MAP3K1: variants seen among roughly 807,000 people sequenced by gnomAD.
The protein encoded by MAP3K1 is mitogen-activated protein kinase kinase kinase 1, also known as MAP/ERK kinase kinase 1.
A neutral mutation model predicts 144.2 loss-of-function variants in MAP3K1; 36 were observed. The ratio of observed to expected loss-of-function variants is 0.25; its 90% confidence interval spans 0.19 to 0.33. The LOEUF (loss-of-function observed/expected upper bound fraction) is 0.33, where lower values mean the gene tolerates loss of function less well. Among genes scored for constraint, MAP3K1 ranks in the 10% least tolerant of loss-of-function variants. The pLI is 1.00. For synonymous variants in MAP3K1, 718 were observed against 688.7 expected (o/e 1.04, Z -0.67); for missense variants, 1,650 against 1,881.9 (o/e 0.88, Z 2.28).
chr5:56,874,823 A>ATTTTAC (rs1747971880), intron 9 of MAP3K1, among the ~76,000 whole-genome samples: 1 of 152,204 alleles, frequency 6.6e-6, no homozygotes, highest in African/African-American at 2.4e-5. Context: ...ATAAATATTA[A>ATTTTAC]TGACTTTGGA....
At chr5:56,825,152 C>A (rs776956383) in intron 1 of MAP3K1, among the ~76,000 whole-genome samples, 2 of 151,978 alleles carry the variant, frequency 1.3e-5, no homozygotes, top group Non-Finnish European at 2.9e-5. Context: ...GGATTACAGG[C>A]GCCTGCCACC....
At chr5:56,869,859 G>A (rs1224355745) in intron 6 of MAP3K1, among the ~76,000 whole-genome samples, 1 of 152,110 alleles carries the variant, frequency 6.6e-6, no homozygotes, top group Non-Finnish European at 1.5e-5. Context: ...ACTAATGCAT[G>A]CATAGTCTTG....
chr5:56,840,973 T>A (rs965705072), intron 1 of MAP3K1, among the ~76,000 whole-genome samples: 2 of 151,942 alleles, frequency 1.3e-5, no homozygotes, highest in Non-Finnish European at 2.9e-5. Context: ...CTTCCCGAGT[T>A]CAAGCGATTC....
chr5:56,887,311 A>T, intron 17 of MAP3K1, 67 bp from the exon 18 acceptor site: 1 of 1,471,846 alleles, frequency 6.8e-7, no homozygotes, highest in Non-Finnish European at 9.5e-7. Flanking sequence ...TTAGTATTGT[A>T]CTGGGCTTTT....
At chr5:56,817,578 C>G (rs902274773) in intron 1 of MAP3K1, among the ~76,000 whole-genome samples, 1 of 152,190 alleles carries the variant, frequency 6.6e-6, no homozygotes, top group Non-Finnish European at 1.5e-5. Flanking sequence ...TTTGTGTGCA[C>G]TTGTACATGT....
At chr5:56,845,848 G>A (rs1304421440) in intron 1 of MAP3K1, among the ~76,000 whole-genome samples, 4 of 152,210 alleles carry the variant, frequency 2.6e-5, no homozygotes, top group African/African-American at 9.6e-5. Flanking sequence ...TTGTTGGAAA[G>A]GAACAAGTGG....
chr5:56,830,778 T>C (rs1746461684), intron 1 of MAP3K1, among the ~76,000 whole-genome samples: 1 of 152,182 alleles, frequency 6.6e-6, no homozygotes, highest in Non-Finnish European at 1.5e-5. Context: ...CTGTATCATT[T>C]TGTGTGTATT....
At chr5:56,893,404 TC>T in intron 19 of MAP3K1, 126 bp from the exon 20 acceptor site, 3 of 976,640 alleles carry the variant, frequency 3.1e-6, no homozygotes, top group Non-Finnish European at 4.8e-6. Context: ...CAGAAAATCC[TC>T]CCACTTCTGC....
chr5:56,833,289 T>C (rs1372326078), intron 1 of MAP3K1, among the ~76,000 whole-genome samples: 9 of 152,222 alleles, frequency 5.9e-5, no homozygotes, highest in Non-Finnish European at 1.2e-4. Context: ...GGGAAAAATA[T>C]GGTTGAACTT....
chr5:56,823,261 G>A (rs1746209351), intron 1 of MAP3K1, among the ~76,000 whole-genome samples: 1 of 152,106 alleles, frequency 6.6e-6, no homozygotes, highest in South Asian at 2.1e-4. Flanking sequence ...TCCGTGGCAG[G>A]GTTGCGTGCT....
chr5:56,885,315 G>A (rs1306156915), intron 16 of MAP3K1, among the ~76,000 whole-genome samples: 1 of 152,180 alleles, frequency 6.6e-6, no homozygotes. Flanking sequence ...GACCTGATGT[G>A]ATGAACAGAT....
Position 56,815,706 on chromosome 5 carries a change from C to T in MAP3K1, c.133C>T (p.Arg45Trp), listed in dbSNP as rs1745925093. The T allele has an allele frequency of 7.6e-7, 1 of 1,323,894 alleles. No homozygotes were observed. Among genetic ancestry groups the T allele is most frequent in the Non-Finnish European group, 9.6e-7 (1 of 1,038,654 alleles). 82.0% of individuals were successfully genotyped at this position (1,323,894 alleles called of 1,614,324 possible). ...SAPAAAAGLL[R>W]EAGSGGRERA... ...GCCCGCGGCTGCCGCGGGACTGCTG[C>T]GGGAGGCGGGCAGCGGGGGCCGCGA... The change falls in exon 1 of 20, where the codon CGG becomes TGG. Residue 45 changes from arginine (R) to tryptophan (W), a missense_variant. Physicochemically the swap from Arg to Trp is moderately radical, Grantham distance 101. Coordinates refer to ENST00000399503, the MANE Select transcript of MAP3K1 (RefSeq NM_005921.2).
In MAP3K1 at chr5:56,881,183, TATAG is replaced by T; in HGVS notation, c.2286_2289del (p.Arg763CysfsTer35). 6.2e-7 allele frequency: 1 copy of T among 1,613,854 alleles called. No homozygotes were observed. The highest frequency in any genetic ancestry group is 8.5e-7 in the Non-Finnish European group (1 of 1,179,880). ...AAGAACTTCTTGGCCGCCTTTGTCT[TATAG>T]ATAGACTGTTGTTGGAATTTCCTGC... On this transcript the variant is annotated frameshift_variant, in exon 13 of 20. Coordinates refer to ENST00000399503, the MANE Select transcript of MAP3K1 (RefSeq NM_005921.2). LOFTEE classifies it high-confidence loss of function.
rs77723342 is a variant in MAP3K1 at position 56,885,090 on chromosome 5, A to G, written c.3982+264A>G. Among the ~76,000 whole-genome samples the G allele has an allele frequency of 0.032, 4,892 of 152,228 alleles. 251 individuals are homozygous for G. Among genetic ancestry groups the G allele is most frequent in the African/African-American group, 0.11 (4,672 of 41,504 alleles). ...AGCATTGTTGTTTTTAATACTTGAT[A>G]TGTATAAGATATGTATATTTCCAGG... is the stretch of plus-strand genomic sequence containing the variant. On this transcript the variant is annotated intron_variant, in intron 16 of 19. Coordinates refer to ENST00000399503, the MANE Select transcript of MAP3K1 (RefSeq NM_005921.2).
chr5:56,878,831 A>C, intron 10 of MAP3K1, 149 bp from the exon 11 acceptor site: 1 of 701,058 alleles, frequency 1.4e-6, no homozygotes, highest in Non-Finnish European at 2.5e-6. Context: ...TAGTTGTATT[A>C]TTACAGAAGC....
chr5:56,867,312 A>G (rs970876447), intron 6 of MAP3K1, among the ~76,000 whole-genome samples: 3 of 152,242 alleles, frequency 2.0e-5, no homozygotes, highest in African/African-American at 4.8e-5. Context: ...TACTGTACAT[A>G]CATAGATAGA....
chr5:56,881,630 A>G lies in MAP3K1; in HGVS notation c.2430A>G (p.Ser810=). The stretch of plus-strand genomic sequence containing the variant: ...TGCAGTCCATTGATAATTCCCACTC[A>G]ATGGTTGGCAAACTTTCCAGAAGGA... ...FALQSIDNSH[S]MVGKLSRRIY... is the part of the protein sequence containing the mutation. Residue 810 remains serine, a synonymous_variant, in exon 14 of 20, where the codon TCA becomes TCG. Transcript: ENST00000399503. 1 of 1,613,992 alleles carries G rather than the reference A, an allele frequency of 6.2e-7. No individual in the cohort carries two copies. The highest frequency in any genetic ancestry group is 8.5e-7 in the Non-Finnish European group (1 of 1,179,956).
At chr5:56,884,956 A>G (rs893593838) in intron 16 of MAP3K1, 130 bp downstream of exon 16, 10 of 740,518 alleles carry the variant, frequency 1.4e-5, no homozygotes, top group Non-Finnish European at 2.2e-6. Flanking sequence ...TCACCCCAAT[A>G]TATTAGTATG....
At chr5:56,824,401 T>C (rs918056206) in intron 1 of MAP3K1, among the ~76,000 whole-genome samples, 1 of 152,232 alleles carries the variant, frequency 6.6e-6, no homozygotes, top group African/African-American at 2.4e-5. Flanking sequence ...TCATGTGGTG[T>C]TCCTAACATG....
Sources: gnomAD v4.1 joint callset for allele counts (sites outside exome capture counted in the v4.1 genomes callset) on GRCh38, gnomAD v4.1.1 for gene constraint, MANE v1.5 for transcripts, NCBI Gene and HGNC (gene_info 2026-07-23, HGNC 2026-07-21) for gene names.